The following ZFAT variants were observed in gnomAD, a reference collection of about 807,000 sequenced individuals.
ZFAT encodes the protein zinc finger protein ZFAT.
ZFAT carries 64 observed loss-of-function variants against 117.7 expected under a neutral mutation model. The observed-to-expected ratio is 0.54, with a 90% CI of 0.44 to 0.67. The LOEUF is 0.67. Among genes scored for constraint, ZFAT ranks in the 30% least tolerant of loss-of-function variants. ZFAT has a pLI of 0.00. For missense variants in ZFAT, 1,433 were observed against 1,584.5 expected (o/e 0.90, Z 1.62); for synonymous variants, 679 against 615.0 (o/e 1.10, Z -1.54).
chr8:134,819,493 A>ACC, the ZFAT span, among the ~76,000 whole-genome samples: 35 of 19,458 alleles, frequency 1.8e-3, no homozygotes, highest in Non-Finnish European at 2.7e-3. Flanking sequence ...TGCCGGATTT[A>ACC]CCACCCCCCC....
At chr8:134,696,484 C>T (rs1833849814) in intron 1 of ZFAT, 8 of 985,550 alleles carry the variant, frequency 8.1e-6, no homozygotes, top group Non-Finnish European at 9.6e-6. Flanking sequence ...GCCTCCGCCG[C>T]TTCCCACGGA....
At chr8:134,695,973 G>C (rs1833818659) in intron 1 of ZFAT, among the ~76,000 whole-genome samples, 2 of 151,114 alleles carry the variant, frequency 1.3e-5, no homozygotes, top group South Asian at 4.2e-4. Context: ...CCCATCCGCA[G>C]GCCCAAGTCC....
intron 11 of ZFAT, among the ~76,000 whole-genome samples, chr8:134,553,681 A>T (rs1008820595): frequency 5.9e-5 from 9 of 152,138 alleles, no homozygotes; most frequent in Non-Finnish European, 8.8e-5. Flanking sequence ...AAAGGAAGAA[A>T]CCAGGATGGA....
intron 11 of ZFAT, among the ~76,000 whole-genome samples, chr8:134,535,618 G>A (rs192354390): frequency 2.6e-5 from 4 of 151,720 alleles, no homozygotes; most frequent in African/African-American, 4.8e-5. Flanking sequence ...GCTTTGTGCC[G>A]CACCGCATGT....
At chr8:134,528,828 A>G (rs1041567948) in intron 12 of ZFAT, among the ~76,000 whole-genome samples, 1 of 152,222 alleles carries the variant, frequency 6.6e-6, no homozygotes, top group African/African-American at 2.4e-5. Context: ...CAACCTGGGC[A>G]GGAATAACAA....
chr8:134,575,081 G>A (rs1825201418), intron 10 of ZFAT, among the ~76,000 whole-genome samples: 1 of 152,134 alleles, frequency 6.6e-6, no homozygotes, highest in African/African-American at 2.4e-5. Context: ...ACTGGTTCAT[G>A]CACCAGAGGA....
At chr8:134,732,643 T>A in the ZFAT span, among the ~76,000 whole-genome samples, 1 of 152,242 alleles carries the variant, frequency 6.6e-6, no homozygotes, top group African/African-American at 2.4e-5. Context: ...TTTCCATTAG[T>A]TCTCAATAGT....
intron 1 of ZFAT, among the ~76,000 whole-genome samples, chr8:134,711,556 A>G (rs1813998106): frequency 6.6e-6 from 1 of 152,164 alleles, no homozygotes; most frequent in Non-Finnish European, 1.5e-5. Flanking sequence ...CGGGAGGCAG[A>G]GGTTGCAGTG....
In ZFAT at chr8:134,500,034, G is replaced by T. The variant is rs574703025; in HGVS notation, c.3492+9585C>A. On this transcript the variant is annotated intron_variant, in intron 15 of 15. Coordinates refer to ENST00000377838, the MANE Select transcript of ZFAT (RefSeq NM_020863.4). ...CAAGGGCCAGCCTGAGGCAGGACAA[G>T]TCTACAGAGGGCCCGCAGCGCTCTC... is the stretch of plus-strand genomic sequence containing the variant. 1.3e-4 allele frequency among the ~76,000 whole-genome samples: 20 copies of T among 152,328 alleles called. No individual in the cohort carries two copies. The East Asian group carries it at 3.7e-3, about 28-fold the overall frequency.
At chr8:134,676,412 C>T (rs201774480) in intron 1 of ZFAT, among the ~76,000 whole-genome samples, 13 of 152,146 alleles carry the variant, frequency 8.5e-5, no homozygotes, top group East Asian at 1.9e-4. Flanking sequence ...TAAATATATA[C>T]GCACCCGATA....
At chr8:134,551,237 C>G (rs1420235069) in intron 11 of ZFAT, among the ~76,000 whole-genome samples, 2 of 152,222 alleles carry the variant, frequency 1.3e-5, no homozygotes, top group Non-Finnish European at 2.9e-5. Context: ...AATCCCAACT[C>G]TAGCTCATAG....
chr8:134,496,307 C>T (rs1818430168), intron 15 of ZFAT, among the ~76,000 whole-genome samples: 1 of 152,232 alleles, frequency 6.6e-6, no homozygotes, highest in Non-Finnish European at 1.5e-5. Flanking sequence ...CAGATCCAAC[C>T]CAAACAGTCT....
chr8:134,570,943 C>T (rs572362969), intron 10 of ZFAT, among the ~76,000 whole-genome samples: 15 of 152,180 alleles, frequency 9.9e-5, no homozygotes, highest in Middle Eastern at 3.4e-3. Flanking sequence ...GAGAGCACAG[C>T]GAAGACAGAC....
rs201363208 is a variant in ZFAT at position 134,657,541 on chromosome 8, C to T, written c.196+20G>A. The T allele has an allele frequency of 1.6e-4, 258 of 1,588,714 alleles. 1 individual carries two copies. The Middle Eastern group carries it at 5.9e-3, about 36-fold the overall frequency. On this transcript the variant is annotated intron_variant, in intron 2 of 15. Transcript: ENST00000377838. Reference sequence around the variant, plus strand: ...CAGGTGTGTCAGAAGGTATCCTGCCCCACCCCCCAGCCCCCTTACCATCTC... The same window carrying T: ...CAGGTGTGTCAGAAGGTATCCTGCCTCACCCCCCAGCCCCCTTACCATCTC...
the ZFAT span, among the ~76,000 whole-genome samples, chr8:134,801,952 T>C: frequency 6.6e-6 from 1 of 152,214 alleles, no homozygotes; most frequent in Non-Finnish European, 1.5e-5. Flanking sequence ...CATTCTTATG[T>C]TCCACCCCAG....
Position 134,601,811 on chromosome 8 carries a change from G to A in ZFAT, c.1908C>T (p.Ser636=). 1 of 1,613,908 alleles carries A rather than the reference G, an allele frequency of 6.2e-7. No individual in the cohort carries two copies. Among genetic ancestry groups the A allele is most frequent in the Non-Finnish European group, 8.5e-7 (1 of 1,179,914 alleles). ...GATCTGACCCAGCACTCTGGGCCTT[G>A]GACAGCAGTAGTGTGATCACTTCAC... ...TQGEVITLLL[S]KAQSAGSDQE... The change falls in exon 6 of 16, where the codon TCC becomes TCT. Residue 636 remains serine, a synonymous_variant. Transcript: ENST00000377838.
chr8:134,645,929 G>C (rs1490235905), intron 2 of ZFAT, among the ~76,000 whole-genome samples: 1 of 152,160 alleles, frequency 6.6e-6, no homozygotes, highest in Admixed American at 6.5e-5. Flanking sequence ...TGAGCCAGGC[G>C]CAGTGGCTCA....
At chr8:134,812,444 T>C in the ZFAT span, among the ~76,000 whole-genome samples, 1 of 152,114 alleles carries the variant, frequency 6.6e-6, no homozygotes, top group East Asian at 1.9e-4. Flanking sequence ...TAAAATGTAT[T>C]ATACAGCCAG....
At chr8:134,687,467 C>A (rs955089574) in intron 1 of ZFAT, among the ~76,000 whole-genome samples, 1 of 152,172 alleles carries the variant, frequency 6.6e-6, no homozygotes, top group Non-Finnish European at 1.5e-5. Flanking sequence ...AAAATGAGAG[C>A]CCCTGGGCAA....
Sources: gnomAD v4.1 joint callset for allele counts (sites outside exome capture counted in the v4.1 genomes callset) on GRCh38, gnomAD v4.1.1 for gene constraint, MANE v1.5 for transcripts, NCBI Gene and HGNC (gene_info 2026-07-23, HGNC 2026-07-21) for gene names.